The following ELAPOR2 variants were observed in gnomAD, a reference collection of about 807,000 sequenced individuals.
ELAPOR2 encodes the protein endosome/lysosome-associated apoptosis and autophagy regulator family member 2.
ELAPOR2 carries 89 observed loss-of-function variants against 120.7 expected under a neutral mutation model. The observed-to-expected ratio is 0.74, with a 90% CI of 0.62 to 0.88. The LOEUF (loss-of-function observed/expected upper bound fraction) is 0.88. ELAPOR2 is among the 40% of genes least tolerant of loss of function. ELAPOR2 has a pLI of 0.00. For synonymous variants in ELAPOR2, 444 were observed against 444.9 expected, an observed-to-expected ratio of 1.00 and a Z score of 0.03; for missense variants, 1,134 against 1,251.6, an observed-to-expected ratio of 0.91 and a Z score of 1.42.
chr7:86,994,317 G>C lies in ELAPOR2; in HGVS notation c.190-29293C>G, dbSNP rs191590309. ...AAAGATAAGCTTAAAACAGTCTCTT[G>C]ATTTAGGAGGTATAACAATGAGTAA... On this transcript the variant is annotated intron_variant, in intron 1 of 21. Coordinates refer to ENST00000450689, the MANE Select transcript of ELAPOR2 (RefSeq NM_001142749.3). Among the ~76,000 whole-genome samples the C allele has an allele frequency of 1.7e-3, 266 of 152,282 alleles. 1 individual carries two copies. The highest frequency in any genetic ancestry group is 3.1e-3 in the Non-Finnish European group (213 of 68,018).
intron 1 of ELAPOR2, among the ~76,000 whole-genome samples, chr7:87,031,754 A>G (rs2116734594): frequency 6.6e-6 from 1 of 152,308 alleles, no homozygotes; most frequent in East Asian, 1.9e-4. Context: ...GGAGCTTAAG[A>G]ATATCAAGTG....
chr7:86,984,566 A>C (rs1792640490), intron 1 of ELAPOR2, among the ~76,000 whole-genome samples: 1 of 152,212 alleles, frequency 6.6e-6, no homozygotes, highest in Non-Finnish European at 1.5e-5. Flanking sequence ...GAAACTGAAC[A>C]ACCTGCTCCT....
chr7:86,884,368 T>C (rs1428499050), intron 21 of ELAPOR2, among the ~76,000 whole-genome samples: 3 of 152,158 alleles, frequency 2.0e-5, no homozygotes, highest in Non-Finnish European at 4.4e-5. Flanking sequence ...GCCTTAGGTA[T>C]GCCCCATGGT....
intron 1 of ELAPOR2, among the ~76,000 whole-genome samples, chr7:87,032,093 T>C (rs1279579694): frequency 3.3e-5 from 5 of 152,152 alleles, no homozygotes; most frequent in Admixed American, 1.3e-4. Context: ...AAAATGACTA[T>C]CTTGATTATG....
intron 8 of ELAPOR2, 67 bp downstream of exon 8, chr7:86,938,057 TAG>T: frequency 1.7e-6 from 2 of 1,154,232 alleles, no homozygotes; most frequent in South Asian, 1.3e-5. Flanking sequence ...ACGAACAAAT[TAG>T]AGTCTGCTCA....
chr7:87,059,555 TTCCCGGGGTGCGGCGGCAGCTCCGGC>T lies in ELAPOR2; in HGVS notation c.-68_-43del, dbSNP rs1461081329. The stretch of plus-strand genomic sequence containing the variant: ...TCGGCGGGCCGGCGGCAAGGCAGCC[TTCCCGGGGTGCGGCGGCAGCTCCGGC>T]TCCCGGGCCGCGACTGCTGTGCGCT... On this transcript the variant is annotated 5_prime_UTR_variant, in exon 1 of 22. Coordinates refer to ENST00000450689, the MANE Select transcript of ELAPOR2 (RefSeq NM_001142749.3). 2 of 1,158,996 alleles carry T rather than the reference TTCCCGGGGTGCGGCGGCAGCTCCGGC, an allele frequency of 1.7e-6. No homozygotes were observed. The highest frequency in any genetic ancestry group is 2.1e-6 in the Non-Finnish European group (2 of 941,658). The allele number at this position is 1,158,996 out of a possible 1,614,324, so 71.8% of individuals were successfully genotyped here. A position where few individuals can be genotyped will look rare whatever the true frequency, so the allele number is the denominator to read the frequency against.
At chr7:86,957,589 G>A (rs1584394969) in intron 2 of ELAPOR2, among the ~76,000 whole-genome samples, 1 of 152,172 alleles carries the variant, frequency 6.6e-6, no homozygotes, top group Admixed American at 6.5e-5. Context: ...TGTTAAGTAT[G>A]GGGAAAAAAA....
intron 1 of ELAPOR2, among the ~76,000 whole-genome samples, chr7:87,052,162 A>G (rs4727141): frequency 0.81 from 123,468 of 152,002 alleles, 50,751 homozygotes; most frequent in African/African-American, 0.93. Flanking sequence ...GTGTCGGTCC[A>G]TTTTCACACT....
chr7:86,950,672 C>T (rs1791208409), intron 2 of ELAPOR2, among the ~76,000 whole-genome samples: 1 of 152,218 alleles, frequency 6.6e-6, no homozygotes, highest in Admixed American at 6.5e-5. Context: ...TGCTCACTCA[C>T]ACACCCCTTG....
At chr7:86,898,740 T>C (rs554173668) in intron 18 of ELAPOR2, among the ~76,000 whole-genome samples, 3 of 152,234 alleles carry the variant, frequency 2.0e-5, no homozygotes, top group Middle Eastern at 3.4e-3. Context: ...TCATTATTGC[T>C]GGAGTTTCAA....
intron 21 of ELAPOR2, among the ~76,000 whole-genome samples, chr7:86,884,385 T>A (rs1799588720): frequency 6.6e-6 from 1 of 152,146 alleles, no homozygotes; most frequent in Non-Finnish European, 1.5e-5. Context: ...TGGTAAGAAC[T>A]ACAGTTGACC....
At chr7:87,033,393 A>G (rs535168549) in intron 1 of ELAPOR2, among the ~76,000 whole-genome samples, 1 of 152,354 alleles carries the variant, frequency 6.6e-6, no homozygotes, top group African/African-American at 2.4e-5. Context: ...AAGAAACTAG[A>G]TACACAATTA....
intron 1 of ELAPOR2, among the ~76,000 whole-genome samples, chr7:87,025,226 T>C (rs1267077254): frequency 6.6e-6 from 1 of 152,108 alleles, no homozygotes; most frequent in African/African-American, 2.4e-5. Flanking sequence ...CCAAGCCCTC[T>C]TGTTGACTAT....
chr7:86,919,148 C>G, intron 11 of ELAPOR2, 72 bp downstream of exon 11: 2 of 1,048,792 alleles, frequency 1.9e-6, no homozygotes, highest in South Asian at 2.8e-5. Context: ...TAAAGTAGCC[C>G]TACTTCTTTA....
chr7:86,905,154 GAGAAAGAGAGAA>G (rs1788937994), intron 18 of ELAPOR2, among the ~76,000 whole-genome samples: 1 of 147,786 alleles, frequency 6.8e-6, no homozygotes, highest in Non-Finnish European at 1.5e-5. Context: ...AGAAAGAAGA[GAGAAAGAGAGAA>G]AGAAAGAAAG....
At position 86,964,965 on chromosome 7, in the gene ELAPOR2, G is replaced by A; in HGVS notation, c.249C>T (p.Ala83=). Residue 83 remains alanine, a synonymous_variant, in exon 2 of 22, where the codon GCC becomes GCT. Coordinates refer to ENST00000450689, the MANE Select transcript of ELAPOR2 (RefSeq NM_001142749.3). The stretch of plus-strand genomic sequence containing the variant: ...AGCAGTCCACTGCAGAATTTGGAAT[G>A]GCAACTCTCCACCTGGAGCCACTGC... ...CDSSGSRWRV[A]IPNSAVDCSG... 6.4e-7 allele frequency: 1 copy of A among 1,551,514 alleles called. No individual in the cohort carries two copies. The highest frequency in any genetic ancestry group is 8.7e-7 in the Non-Finnish European group (1 of 1,146,838).
At position 86,913,123 on chromosome 7, in the gene ELAPOR2, G is replaced by A. The variant is rs376099342; in HGVS notation, c.1813C>T (p.Arg605Cys). Residue 605 changes from arginine (R) to cysteine (C), a missense_variant, in exon 14 of 22, where the codon CGT becomes TGT. Transcript: ENST00000450689. Reference protein sequence around the residue: ...NAVDGVASSCRACALGSEQSG... With the variant: ...NAVDGVASSCCACALGSEQSG... ...TGTTCAGAACCGAGGGCACAGGCACGGCATGAGGACGCCACCCCATCAACT... is the reference window on the plus strand; with the variant it reads ...TGTTCAGAACCGAGGGCACAGGCACAGCATGAGGACGCCACCCCATCAACT... 6.2e-6 allele frequency: 10 copies of A among 1,613,884 alleles called. No homozygotes were observed. In the African/African-American group the frequency reaches 6.7e-5, roughly 11 times the overall value.
intron 18 of ELAPOR2, among the ~76,000 whole-genome samples, chr7:86,898,669 C>A: frequency 6.7e-6 from 1 of 149,664 alleles, no homozygotes; most frequent in East Asian, 2.0e-4. Context: ...AAGAAGAAAG[C>A]AAAGAAATTC....
chr7:86,913,728 C>T (rs1177333029), intron 13 of ELAPOR2, among the ~76,000 whole-genome samples: 1 of 152,164 alleles, frequency 6.6e-6, no homozygotes, highest in Non-Finnish European at 1.5e-5. Flanking sequence ...TTTCCTTCTC[C>T]AGTCCTTTCC....
Sources: gnomAD v4.1 joint callset for allele counts (sites outside exome capture counted in the v4.1 genomes callset) on GRCh38, gnomAD v4.1.1 for gene constraint, MANE v1.5 for transcripts, NCBI Gene and HGNC (gene_info 2026-07-23, HGNC 2026-07-21) for gene names.